PPP1R12B: variants seen among roughly 807,000 people sequenced by gnomAD.
The protein encoded by PPP1R12B is protein phosphatase 1 regulatory subunit 12B.
PPP1R12B carries 76 observed loss-of-function variants against 126.1 expected under a neutral mutation model. That is an observed-to-expected ratio of 0.60 (90% CI 0.50 to 0.73). The LOEUF is 0.73. Among genes scored for constraint, PPP1R12B ranks in the 30% least tolerant of loss-of-function variants. PPP1R12B has a pLI of 0.00. For synonymous variants in PPP1R12B, 356 were observed against 434.7 expected, an observed-to-expected ratio of 0.82 and a Z score of 2.25; for missense variants, 1,052 against 1,205.1, an observed-to-expected ratio of 0.87 and a Z score of 1.88.
chr1:202,439,051 C>T lies in PPP1R12B; in HGVS notation c.1458+1027C>T, dbSNP rs910410912. On this transcript the variant is annotated intron_variant, in intron 10 of 23. Coordinates refer to ENST00000608999, the MANE Select transcript of PPP1R12B (RefSeq NM_002481.4). ...ACCAGTGGGCGGACTTCATCCTGGC[C>T]GCCAACTCCTATGACCTTGCCATCA... The T allele has an allele frequency of 1.6e-5, 22 of 1,386,382 alleles. No homozygotes were observed. The East Asian group carries it at 1.6e-4, about 10-fold the overall frequency. 85.9% of individuals were successfully genotyped at this position (1,386,382 alleles called of 1,614,324 possible).
chr1:202,365,952 T>C (rs565366668), intron 1 of PPP1R12B, among the ~76,000 whole-genome samples: 2,065 of 152,214 alleles, frequency 0.014, 55 homozygotes, highest in African/African-American at 0.046. Context: ...ATTGCACCGC[T>C]GCACTCCAGC....
Position 202,574,941 on chromosome 1 carries a change from T to C in PPP1R12B, c.2863-5533T>C, listed in dbSNP as rs1688953257. The C allele has an allele frequency of 2.4e-5, 35 of 1,448,050 alleles. No homozygotes were observed. The South Asian group carries it at 4.4e-4, about 18-fold the overall frequency. The allele number at this position is 1,448,050 out of a possible 1,614,324, so 89.7% of individuals were successfully genotyped here. A position where few individuals can be genotyped will look rare whatever the true frequency, so the allele number is the denominator to read the frequency against. On this transcript the variant is annotated intron_variant, in intron 23 of 23. Transcript: ENST00000608999. Reference sequence around the variant, plus strand: ...TTCTTTGTCCTACTTTTCTCTCCTCTGGTCTGTCTTGTCTCTCTCTGTCTT... The same window carrying C: ...TTCTTTGTCCTACTTTTCTCTCCTCCGGTCTGTCTTGTCTCTCTCTGTCTT...
At chr1:202,399,436 G>A (rs1338280262) in intron 1 of PPP1R12B, among the ~76,000 whole-genome samples, 3 of 151,796 alleles carry the variant, frequency 2.0e-5, no homozygotes, top group Admixed American at 6.6e-5. Flanking sequence ...GTCCAAGCTG[G>A]TCTCAAACAA....
At chr1:202,563,285 T>G (rs559434193) in intron 20 of PPP1R12B, among the ~76,000 whole-genome samples, 2 of 152,142 alleles carry the variant, frequency 1.3e-5, no homozygotes, top group Admixed American at 6.5e-5. Context: ...CACGGCTACA[T>G]TTTTTATTTT....
chr1:202,436,860 GT>G (rs550567980), intron 9 of PPP1R12B, among the ~76,000 whole-genome samples: 7 of 146,818 alleles, frequency 4.8e-5, no homozygotes, highest in Non-Finnish European at 1.1e-4. Context: ...TTTTTTTTTT[GT>G]TTTTTTTTGT....
intron 6 of PPP1R12B, 23 bp from the exon 7 acceptor site, chr1:202,430,706 TTC>T (rs1670082400): frequency 1.2e-6 from 2 of 1,610,892 alleles, no homozygotes; most frequent in Non-Finnish European, 1.7e-6. Context: ...TTCTTCCCTT[TTC>T]TCTCTGTTTT....
chr1:202,461,674 T>C (rs1674325620), intron 13 of PPP1R12B, among the ~76,000 whole-genome samples: 1 of 152,142 alleles, frequency 6.6e-6, no homozygotes, highest in Non-Finnish European at 1.5e-5. Context: ...AAATTTAAGC[T>C]CACTTGTCCT....
intron 3 of PPP1R12B, among the ~76,000 whole-genome samples, chr1:202,423,754 G>C (rs1160349477): frequency 6.6e-6 from 1 of 152,146 alleles, no homozygotes; most frequent in Non-Finnish European, 1.5e-5. Context: ...TGCCGTCTCA[G>C]CTCATTGCAA....
intron 1 of PPP1R12B, among the ~76,000 whole-genome samples, chr1:202,351,133 C>G (rs1013100217): frequency 1.3e-5 from 2 of 151,870 alleles, no homozygotes; most frequent in African/African-American, 4.8e-5. Context: ...ATCAAGACAA[C>G]GGGCCTTTAT....
intron 13 of PPP1R12B, among the ~76,000 whole-genome samples, chr1:202,470,266 T>C (rs936429716): frequency 1.3e-5 from 2 of 152,214 alleles, no homozygotes; most frequent in Non-Finnish European, 2.9e-5. Flanking sequence ...TTTTCTGGCA[T>C]ATTTAGCTTC....
Position 202,587,775 on chromosome 1 carries a change from G to C in PPP1R12B, c.*7215G>C, listed in dbSNP as rs1010414962. 2 of 152,152 alleles carry C rather than the reference G, an allele frequency of 1.3e-5. No homozygotes were observed. The highest frequency in any genetic ancestry group is 6.5e-5 in the Admixed American group (1 of 15,274). 9.4% of individuals were successfully genotyped at this position (152,152 alleles called of 1,614,324 possible). The stretch of plus-strand genomic sequence containing the variant: ...CTCTCGCCTAAATATCTGTGCCTTT[G>C]CCTGTCCTTTCTCCCACTCTACTGA... On this transcript the variant is annotated 3_prime_UTR_variant, in exon 24 of 24. Transcript: ENST00000608999.
At chr1:202,527,381 T>C (rs1486410678) in intron 18 of PPP1R12B, 1 of 152,204 alleles carries the variant, frequency 6.6e-6, no homozygotes, top group African/African-American at 2.4e-5. Context: ...GCATCTACTT[T>C]TTCCAGCTGC....
rs1436834528 is a variant in PPP1R12B at position 202,511,439 on chromosome 1, G to A, written c.2490+14617G>A. On this transcript the variant is annotated intron_variant, in intron 18 of 23. Coordinates refer to ENST00000608999, the MANE Select transcript of PPP1R12B (RefSeq NM_002481.4). ...TCACCGTCTTAGCCATGCTGGTCTC[G>A]ATCTCCTGACCTCATGATCCACCTG... is the stretch of plus-strand genomic sequence containing the variant. Among the ~76,000 whole-genome samples the A allele has an allele frequency of 4.6e-5, 7 of 151,842 alleles. No homozygotes were observed. The East Asian group carries it at 9.7e-4, about 21-fold the overall frequency.
intron 1 of PPP1R12B, among the ~76,000 whole-genome samples, chr1:202,366,157 G>T (rs1435919462): frequency 1.1e-4 from 17 of 152,092 alleles, no homozygotes; most frequent in Non-Finnish European, 2.5e-4. Flanking sequence ...TCATGTCATG[G>T]TATACACAGA....
chr1:202,444,623 A>G lies in PPP1R12B; in HGVS notation c.1667+2051A>G, dbSNP rs1448967410. Among the ~76,000 whole-genome samples, 3 of 152,180 alleles carry G rather than the reference A, an allele frequency of 2.0e-5. No homozygotes were observed. In the East Asian group the frequency reaches 5.8e-4, roughly 29 times the overall value. ...GCTTTTGCAGTGCTAATTCTGTATC[A>G]GGTAGACATTTGGGGTTGCATGATT... is the stretch of plus-strand genomic sequence containing the variant. On this transcript the variant is annotated intron_variant, in intron 12 of 23. Transcript: ENST00000608999.
In PPP1R12B at chr1:202,490,170, C is replaced by T. The variant is rs188603834; in HGVS notation, c.1941+1547C>T. Among the ~76,000 whole-genome samples the T allele has an allele frequency of 1.3e-4, 20 of 152,280 alleles. No individual in the cohort carries two copies. The East Asian group carries it at 3.5e-3, about 26-fold the overall frequency. On this transcript the variant is annotated intron_variant, in intron 14 of 23. Coordinates refer to ENST00000608999, the MANE Select transcript of PPP1R12B (RefSeq NM_002481.4). ...GCCCATGAAACAGAACGAAAAGAAG[C>T]AGCAGGAGCGGTGAAAAGAAAATCA...
intron 18 of PPP1R12B, among the ~76,000 whole-genome samples, chr1:202,543,017 G>A (rs1405881050): frequency 6.6e-6 from 1 of 151,994 alleles, no homozygotes; most frequent in Non-Finnish European, 1.5e-5. Flanking sequence ...TTTGAGTGTT[G>A]TTAACAGGGC....
intron 10 of PPP1R12B, chr1:202,439,101 T>G: frequency 6.6e-7 from 1 of 1,524,162 alleles, no homozygotes; most frequent in Non-Finnish European, 9.1e-7. Flanking sequence ...AGCGCCAAAG[T>G]GGACATGACG....
At chr1:202,522,687 C>T (rs1682898156) in intron 18 of PPP1R12B, among the ~76,000 whole-genome samples, 2 of 151,980 alleles carry the variant, frequency 1.3e-5, no homozygotes, top group Admixed American at 1.3e-4. Context: ...CAAAGTAACA[C>T]TGAAAGATAA....
Sources: gnomAD v4.1 joint callset for allele counts (sites outside exome capture counted in the v4.1 genomes callset) on GRCh38, gnomAD v4.1.1 for gene constraint, MANE v1.5 for transcripts, NCBI Gene and HGNC (gene_info 2026-07-23, HGNC 2026-07-21) for gene names.